The following E2F5 variants were observed in gnomAD, a reference collection of about 807,000 sequenced individuals.
The protein encoded by E2F5 is transcription factor E2F5.
In E2F5, 23 loss-of-function variants were observed where a neutral mutation model predicts 39.1. The ratio of observed to expected loss-of-function variants is 0.59; its 90% CI spans 0.42 to 0.83. E2F5 has a LOEUF of 0.83. Ranked by LOEUF, E2F5 falls within the 40% of genes least tolerant of loss-of-function variation. The probability of loss-of-function intolerance (pLI) is 0.00; values close to 1 mark genes in which losing one functional copy is unlikely to be tolerated. For missense variants in E2F5, 365 were observed against 406.7 expected, an observed-to-expected ratio of 0.90 and a Z score of 0.88; for synonymous variants, 145 against 157.8, an observed-to-expected ratio of 0.92 and a Z score of 0.61.
rs1412342700 is a variant in E2F5, at chr8:85,180,573, TG to T, written c.234+2920del. ...ATATATATGGTTTTTTGGTTGGTCT[TG>T]TTTTTTTTTTTTTTTTTTTTTGAGA... On this transcript the variant is annotated intron_variant, in intron 1 of 7. Transcript: ENST00000416274. 4.3e-4 allele frequency among the ~76,000 whole-genome samples: 56 copies of T among 130,744 alleles called. 1 individual carries two copies. The highest frequency in any genetic ancestry group is 3.0e-3 in the Admixed American group (38 of 12,876). The allele number at this position is 130,744 out of a possible 152,430, so 85.8% of individuals were successfully genotyped here.
chr8:85,206,738 AATTATT>A (rs1003991232), intron 4 of E2F5, among the ~76,000 whole-genome samples: 1 of 152,198 alleles, frequency 6.6e-6, no homozygotes, highest in Non-Finnish European at 1.5e-5. Context: ...TAATAATTAT[AATTATT>A]AATATAACTA....
At chr8:85,190,416 G>C (rs1260263051) in intron 1 of E2F5, among the ~76,000 whole-genome samples, 1 of 150,200 alleles carries the variant, frequency 6.7e-6, no homozygotes, top group African/African-American at 2.5e-5. Flanking sequence ...CCCAGGACCT[G>C]TGAATATGTT....
chr8:85,179,741 G>GC (rs1812158989), intron 1 of E2F5, among the ~76,000 whole-genome samples: 1 of 147,650 alleles, frequency 6.8e-6, no homozygotes, highest in Non-Finnish European at 1.5e-5. Context: ...CTCACTGCAA[G>GC]CTCCGCCTCC....
chr8:85,209,109 T>C (rs2129751616), intron 5 of E2F5, 33 bp from the exon 6 acceptor site: 1 of 1,593,648 alleles, frequency 6.3e-7, no homozygotes, highest in East Asian at 2.2e-5. Context: ...ATGTTAATAA[T>C]TATACATTTG....
At chr8:85,181,594 C>T (rs1460963906) in intron 1 of E2F5, among the ~76,000 whole-genome samples, 2 of 149,072 alleles carry the variant, frequency 1.3e-5, no homozygotes, top group African/African-American at 4.9e-5. Context: ...CCACCTCGGC[C>T]TCCCAAAGTG....
intron 5 of E2F5, among the ~76,000 whole-genome samples, chr8:85,208,872 C>T (rs992513845): frequency 5.3e-5 from 8 of 152,180 alleles, no homozygotes; most frequent in Non-Finnish European, 1.2e-4. Flanking sequence ...TAGTCACACA[C>T]GGTAACAACA....
At chr8:85,186,728 GATAT>G (rs1337555243) in intron 1 of E2F5, among the ~76,000 whole-genome samples, 1 of 145,946 alleles carries the variant, frequency 6.9e-6, no homozygotes, top group Non-Finnish European at 1.5e-5. Context: ...GTGTATATAT[GATAT>G]ATATAAGGTA....
At chr8:85,181,202 A>AT in intron 1 of E2F5, among the ~76,000 whole-genome samples, 1 of 152,324 alleles carries the variant, frequency 6.6e-6, no homozygotes, top group South Asian at 2.1e-4. Flanking sequence ...ATAAAAAAGT[A>AT]TATCAAACTT....
intron 1 of E2F5, among the ~76,000 whole-genome samples, chr8:85,178,948 G>A (rs1410939302): frequency 6.6e-6 from 1 of 152,274 alleles, no homozygotes; most frequent in South Asian, 2.1e-4. Context: ...TTGCATTTTG[G>A]TAAGTAATTT....
chr8:85,214,007 T>G lies in E2F5; in HGVS notation c.*145T>G. ...TGTTCTTCCCTAATACTTTCTTTACTTCACAAAACTTCAACCATAAAAACA... is the reference window on the plus strand; with the variant it reads ...TGTTCTTCCCTAATACTTTCTTTACGTCACAAAACTTCAACCATAAAAACA... On this transcript the variant is annotated 3_prime_UTR_variant, in exon 8 of 8. Transcript: ENST00000416274. 1.6e-6 allele frequency: 1 copy of G among 609,028 alleles called. No homozygotes were observed. Among genetic ancestry groups the G allele is most frequent in the Admixed American group, 3.0e-5 (1 of 33,218 alleles). The allele number at this position is 609,028 out of a possible 1,614,324, so 37.7% of individuals were successfully genotyped here. A position where few individuals can be genotyped will look rare whatever the true frequency, so the allele number is the denominator to read the frequency against.
chr8:85,188,703 G>A (rs1812397448), intron 1 of E2F5, among the ~76,000 whole-genome samples: 1 of 152,148 alleles, frequency 6.6e-6, no homozygotes, highest in Admixed American at 6.5e-5. Flanking sequence ...ATCCTGCTTG[G>A]CACCAGGCTG....
intron 1 of E2F5, among the ~76,000 whole-genome samples, chr8:85,178,530 G>A (rs768653216): frequency 5.3e-5 from 8 of 152,082 alleles, no homozygotes; most frequent in Non-Finnish European, 1.0e-4. Context: ...ATGAGAATGT[G>A]GTCACTCCGC....
intron 1 of E2F5, among the ~76,000 whole-genome samples, chr8:85,189,933 C>T (rs373368975): frequency 1.3e-5 from 2 of 152,240 alleles, no homozygotes; most frequent in Middle Eastern, 3.4e-3. Context: ...CCTACCTGAG[C>T]CTTACGCTTC....
chr8:85,206,927 T>C (rs977602172), intron 4 of E2F5, among the ~76,000 whole-genome samples: 1 of 152,236 alleles, frequency 6.6e-6, no homozygotes, highest in Non-Finnish European at 1.5e-5. Context: ...ACTATTGTTC[T>C]ATTTTACCAC....
At chr8:85,195,051 A>G (rs1370823424) in intron 1 of E2F5, among the ~76,000 whole-genome samples, 1 of 151,988 alleles carries the variant, frequency 6.6e-6, no homozygotes, top group Non-Finnish European at 1.5e-5. Context: ...CTCAGAGCCC[A>G]TGTTCCTAAG....
At chr8:85,211,010 T>C (rs1220027879) in intron 6 of E2F5, among the ~76,000 whole-genome samples, 6 of 152,130 alleles carry the variant, frequency 3.9e-5, no homozygotes, top group African/African-American at 1.2e-4. Flanking sequence ...TTAGGAAAGA[T>C]GCTTTTGGCC....
intron 1 of E2F5, among the ~76,000 whole-genome samples, chr8:85,184,430 G>A (rs1812283776): frequency 6.6e-6 from 1 of 152,152 alleles, no homozygotes; most frequent in South Asian, 2.1e-4. Flanking sequence ...ACAAAAACTG[G>A]AAGCATTCCC....
At chr8:85,180,960 CT>C (rs1200039600) in intron 1 of E2F5, among the ~76,000 whole-genome samples, 1 of 151,884 alleles carries the variant, frequency 6.6e-6, no homozygotes, top group Non-Finnish European at 1.5e-5. Flanking sequence ...TCATTGTAAC[CT>C]CCACTTCCCG....
intron 1 of E2F5, 113 bp from the exon 2 acceptor site, chr8:85,202,034 T>C (rs1812707975): frequency 1.2e-6 from 1 of 817,840 alleles, no homozygotes; most frequent in Non-Finnish European, 2.0e-6. Flanking sequence ...CCCAAGCAAC[T>C]GAGTGGGTCA....
Sources: gnomAD v4.1 joint callset for allele counts (sites outside exome capture counted in the v4.1 genomes callset) on GRCh38, gnomAD v4.1.1 for gene constraint, MANE v1.5 for transcripts, NCBI Gene and HGNC (gene_info 2026-07-23, HGNC 2026-07-21) for gene names.